The following PTPRF variants were observed in gnomAD, a reference collection of about 807,000 sequenced individuals.
The protein encoded by PTPRF is receptor-type tyrosine-protein phosphatase F.
Under a neutral mutation model 201.8 loss-of-function variants are expected in PTPRF, and 59 were observed. The observed-to-expected ratio is 0.29, with a 90% CI of 0.24 to 0.36. The LOEUF (loss-of-function observed/expected upper bound fraction) is 0.36, where lower values mean the gene tolerates loss of function less well. Among genes scored for constraint, PTPRF ranks in the 10% least tolerant of loss-of-function variants. PTPRF has a pLI of 1.00. For missense variants in PTPRF, 2,132 were observed against 2,690.5 expected (o/e 0.79, Z 4.59); for synonymous variants, 1,088 against 1,089.7 (o/e 1.00, Z 0.03).
In PTPRF at chr1:43,604,139, C is replaced by T. The variant is rs142730107; in HGVS notation, c.2987C>T (p.Ser996Phe). The change falls in exon 16 of 34, where the codon TCT becomes TTT. Residue 996 changes from serine to phenylalanine, a missense_variant. By Grantham distance (155) the Ser-to-Phe change is radical. Transcript: ENST00000359947. ...GTCCGCGCATGGACCAGCAAAGGCTCTGGCCCACTCAGCCCCAGCATCCAG... is the reference window on the plus strand; with the variant it reads ...GTCCGCGCATGGACCAGCAAAGGCTTTGGCCCACTCAGCCCCAGCATCCAG... ...IKVRAWTSKG[S>F]GPLSPSIQSR... is the part of the protein sequence containing the mutation. The T allele has an allele frequency of 1.9e-6, 3 of 1,614,164 alleles. No homozygotes were observed. The highest frequency in any genetic ancestry group is 1.1e-5 in the South Asian group (1 of 91,082).
intron 10 of PTPRF, 58 bp downstream of exon 10, chr1:43,592,006 G>T: frequency 1.2e-6 from 2 of 1,603,178 alleles, no homozygotes; most frequent in Non-Finnish European, 1.7e-6. Flanking sequence ...GGTCTGTGAT[G>T]GGCTTAACCC....
chr1:43,594,011 A>T (rs959139374), intron 11 of PTPRF, among the ~76,000 whole-genome samples: 7 of 152,004 alleles, frequency 4.6e-5, no homozygotes, highest in Non-Finnish European at 1.0e-4. Context: ...AAAAAAGCTC[A>T]TTTGGGTAAT....
intron 20 of PTPRF, 149 bp from the exon 21 acceptor site, chr1:43,606,665 G>A: frequency 8.1e-7 from 1 of 1,230,424 alleles, no homozygotes; most frequent in African/African-American, 1.5e-5. Flanking sequence ...TGGCTCCAGG[G>A]ACCCAGTCCT....
At position 43,606,823 on chromosome 1, in the gene PTPRF, G is replaced by T; in HGVS notation, c.3712G>T (p.Ala1238Ser). 6.2e-7 allele frequency: 1 copy of T among 1,613,608 alleles called. No individual in the cohort carries two copies. Among genetic ancestry groups the T allele is most frequent in the Non-Finnish European group, 8.5e-7 (1 of 1,179,900 alleles). ...CTCCACCGGGCCACAGAAGCGCTATGCCTCCAGCCCCTACTCGGATGAGAT... is the reference window on the plus strand; with the variant it reads ...CTCCACCGGGCCACAGAAGCGCTATTCCTCCAGCCCCTACTCGGATGAGAT... Reference protein sequence around the residue: ...LKEPMDQKRYASSPYSDEIVV... With the variant: ...LKEPMDQKRYSSSPYSDEIVV... Residue 1238 changes from alanine (A) to serine (S), a missense_variant, in exon 21 of 34, where the codon GCC becomes TCC. Ala to Ser is a moderately conservative substitution (Grantham distance 99). This residue lies in a region of PTPRF where 818 missense variants were observed against 915.3 expected (regional missense o/e 0.89). Coordinates refer to ENST00000359947, the MANE Select transcript of PTPRF (RefSeq NM_002840.5).
intron 23 of PTPRF, among the ~76,000 whole-genome samples, chr1:43,615,849 G>A (rs962103534): frequency 2.0e-5 from 3 of 152,154 alleles, no homozygotes; most frequent in East Asian, 1.9e-4. Context: ...ACAGGCGTGA[G>A]CCACTGCACC....
At chr1:43,556,193 T>G (rs575057769) in intron 5 of PTPRF, among the ~76,000 whole-genome samples, 1 of 152,338 alleles carries the variant, frequency 6.6e-6, no homozygotes, top group Non-Finnish European at 1.5e-5. Flanking sequence ...CGCTGTGGCT[T>G]TATCTGTTCA....
intron 1 of PTPRF, among the ~76,000 whole-genome samples, chr1:43,531,463 G>A (rs1283735184): frequency 9.2e-6 from 1 of 108,134 alleles, no homozygotes; most frequent in Non-Finnish European, 1.8e-5. Context: ...GTCCCGCCTC[G>A]TCCCCCCTTC....
chr1:43,567,662 G>A (rs1486934521), intron 5 of PTPRF, among the ~76,000 whole-genome samples: 3 of 152,156 alleles, frequency 2.0e-5, no homozygotes, highest in Non-Finnish European at 4.4e-5. Context: ...GTTGGGGCTC[G>A]TCCAACTCCC....
intron 14 of PTPRF, 143 bp downstream of exon 14, chr1:43,602,240 A>G: frequency 2.0e-6 from 2 of 994,956 alleles, no homozygotes; most frequent in Non-Finnish European, 3.1e-6. Flanking sequence ...TGGCGTTTAG[A>G]CACAAGCACT....
chr1:43,533,252 T>C (rs1643787687), intron 1 of PTPRF, among the ~76,000 whole-genome samples: 2 of 152,174 alleles, frequency 1.3e-5, no homozygotes, highest in South Asian at 4.1e-4. Context: ...TTGTGTGCCC[T>C]GGGCGGGTTG....
In PTPRF at chr1:43,591,215, G is replaced by A; in HGVS notation, c.1193G>A (p.Gly398Glu). ...CTGGCGGTGAACAGCATCGGGCGAG[G>A]GCCGCCCAGCGAGGCAGTGCGGGCA... ...RVLAVNSIGRGPPSEAVRART... is the reference protein window; with the variant it reads ...RVLAVNSIGREPPSEAVRART... The change falls in exon 9 of 34, where the codon GGG becomes GAG. Residue 398 changes from glycine (G) to glutamate (E), a missense_variant. Coordinates refer to ENST00000359947, the MANE Select transcript of PTPRF (RefSeq NM_002840.5). The A allele has an allele frequency of 1.2e-6, 2 of 1,604,826 alleles. No individual in the cohort carries two copies. Among genetic ancestry groups the A allele is most frequent in the Middle Eastern group, 3.3e-4 (2 of 6,028 alleles).
chr1:43,591,321 G>A lies in PTPRF; in HGVS notation c.1299G>A (p.Gln433=), dbSNP rs942716991. 7 of 1,551,776 alleles carry A rather than the reference G, an allele frequency of 4.5e-6. No individual in the cohort carries two copies. In the Admixed American group the frequency reaches 9.7e-5, roughly 22 times the overall value. The change falls in exon 9 of 34, where the codon CAG becomes CAA. Residue 433 remains glutamine, a synonymous_variant. Transcript: ENST00000359947. Reference sequence around the variant, plus strand: ...TGAGCGCCAGCACCATGCTGGTGCAGTGGGAGCCTCCCGAGGAGCCCAACG... The same window carrying A: ...TGAGCGCCAGCACCATGCTGGTGCAATGGGAGCCTCCCGAGGAGCCCAACG... ...RMLSASTMLV[Q]WEPPEEPNGL...
In PTPRF at chr1:43,619,749, A is replaced by G; in HGVS notation, c.5002A>G (p.Asn1668Asp). 6.2e-7 allele frequency: 1 copy of G among 1,614,254 alleles called. No homozygotes were observed. Among genetic ancestry groups the G allele is most frequent in the South Asian group, 1.1e-5 (1 of 91,090 alleles). Residue 1668 changes from asparagine to aspartate, a missense_variant, in exon 29 of 34, where the codon AAC (asparagine) becomes GAC (aspartate). Transcript: ENST00000359947. ...CAACCTGCCCTGCAACAAGTTCAAG[A>G]ACCGGCTGGTGAACATCATGCCCTA... ...SANLPCNKFKNRLVNIMPYEL... is the reference protein window; with the variant it reads ...SANLPCNKFKDRLVNIMPYEL...
intron 11 of PTPRF, 47 bp downstream of exon 11, chr1:43,592,648 C>G: frequency 6.6e-7 from 1 of 1,519,752 alleles, no homozygotes; most frequent in Non-Finnish European, 8.8e-7. Flanking sequence ...GGCTGGGACA[C>G]ACACACACAC....
At chr1:43,607,434 A>G (rs1223407646) in intron 21 of PTPRF, among the ~76,000 whole-genome samples, 1 of 152,204 alleles carries the variant, frequency 6.6e-6, no homozygotes, top group African/African-American at 2.4e-5. Flanking sequence ...ACTAACAGAC[A>G]TGACTGATGG....
Position 43,621,145 on chromosome 1 carries a change from G to T in PTPRF, c.5568G>T (p.Leu1856=). ...TGVFITLSIV[L]ERMRYEGVVD... ...TGTTCATCACTCTGAGCATCGTCCT[G>T]GAGCGCATGCGCTACGAGGGCGTGG... is the stretch of plus-strand genomic sequence containing the variant. Residue 1856 remains leucine, a synonymous_variant, in exon 33 of 34, where the codon CTG becomes CTT. Transcript: ENST00000359947. 1 of 1,614,122 alleles carries T rather than the reference G, an allele frequency of 6.2e-7. No individual in the cohort carries two copies. Among genetic ancestry groups the T allele is most frequent in the Non-Finnish European group, 8.5e-7 (1 of 1,179,938 alleles).
chr1:43,529,092 G>A (rs1234204786), upstream of PTPRF, among the ~76,000 whole-genome samples: 6 of 152,218 alleles, frequency 3.9e-5, no homozygotes, highest in East Asian at 7.7e-4. Flanking sequence ...TTTGGGGGCC[G>A]AGAGGGAATC....
chr1:43,609,940 G>A (rs866366904), intron 22 of PTPRF, among the ~76,000 whole-genome samples: 28 of 152,132 alleles, frequency 1.8e-4, no homozygotes, highest in Admixed American at 5.9e-4. Context: ...CTTCCTGGAG[G>A]CCGACCCCAG....
At chr1:43,532,513 C>A in intron 1 of PTPRF, 1 of 158,712 alleles carries the variant, frequency 6.3e-6, no homozygotes, top group Non-Finnish European at 1.4e-5. Flanking sequence ...GGGAAGTGCA[C>A]TGGGGTGAGA....
Sources: allele counts gnomAD v4.1 joint callset (sites outside exome capture counted in the v4.1 genomes callset), GRCh38; gene constraint gnomAD v4.1.1; regional missense constraint gnomAD v4.1.1; transcripts MANE v1.5; gene names NCBI Gene and HGNC (gene_info 2026-07-23, HGNC 2026-07-21).